The following SATB2 variants were observed in gnomAD, a reference collection of about 807,000 sequenced individuals.
SATB2 encodes DNA-binding protein SATB2.
In SATB2, 1 loss-of-function variant was observed where a neutral mutation model predicts 73.4. The observed-to-expected ratio is 0.01, with a 90% CI of 0.00 to 0.06. The LOEUF (loss-of-function observed/expected upper bound fraction) is 0.06. Ranked by LOEUF, SATB2 falls within the 10% of genes least tolerant of loss-of-function variation. The probability of loss-of-function intolerance (pLI) is 1.00; values close to 1 mark genes in which losing one functional copy is unlikely to be tolerated. For missense variants in SATB2, 459 were observed against 945.8 expected (o/e 0.49, Z 6.75); for synonymous variants, 397 against 367.0 (o/e 1.08, Z -0.93).
At chr2:199,297,350 C>T (rs1687141153) in intron 10 of SATB2, among the ~76,000 whole-genome samples, 1 of 152,232 alleles carries the variant, frequency 6.6e-6, no homozygotes, top group East Asian at 1.9e-4. Context: ...TATGTAAGTC[C>T]ACTCCTGTTT....
intron 3 of SATB2, among the ~76,000 whole-genome samples, chr2:199,384,791 C>A (rs752119016): frequency 3.6e-4 from 55 of 152,236 alleles, no homozygotes; most frequent in Non-Finnish European, 5.0e-4. Flanking sequence ...ACTGATCTTA[C>A]AAGAATACTG....
intron 2 of SATB2, among the ~76,000 whole-genome samples, chr2:199,452,415 G>A (rs1692150437): frequency 6.6e-6 from 1 of 152,128 alleles, no homozygotes; most frequent in Admixed American, 6.5e-5. Flanking sequence ...TTCATTTTAT[G>A]CTGTAAGTTG....
At chr2:199,365,249 T>A (rs1159106140) in intron 6 of SATB2, among the ~76,000 whole-genome samples, 1 of 151,878 alleles carries the variant, frequency 6.6e-6, no homozygotes, top group Admixed American at 6.6e-5. Flanking sequence ...GCTTATGAGC[T>A]CTACATTGTA....
At chr2:199,292,495 T>C (rs889661557) in intron 10 of SATB2, among the ~76,000 whole-genome samples, 7 of 152,234 alleles carry the variant, frequency 4.6e-5, no homozygotes, top group Non-Finnish European at 8.8e-5. Context: ...CCTCCCAGTT[T>C]AAATGTCTAG....
At chr2:199,386,918 A>G (rs1689981252) in intron 3 of SATB2, among the ~76,000 whole-genome samples, 1 of 152,198 alleles carries the variant, frequency 6.6e-6, no homozygotes, top group South Asian at 2.1e-4. Flanking sequence ...AAATTCTGCC[A>G]TGGGAATAAT....
chr2:199,357,831 C>A (rs1384879855), intron 6 of SATB2, among the ~76,000 whole-genome samples: 1 of 152,084 alleles, frequency 6.6e-6, no homozygotes, highest in East Asian at 1.9e-4. Flanking sequence ...ATATGAATCA[C>A]ACAGCAGAGA....
Position 199,463,170 on chromosome 2 carries a change from G to A in SATB2, c.-141+1666C>T, listed in dbSNP as rs1373013965. ...ACCACACCAGGCAACGCCCCCCGGGGCGCCCTTCATTCTTTTGCAGAGCCC... is the reference window on the plus strand; with the variant it reads ...ACCACACCAGGCAACGCCCCCCGGGACGCCCTTCATTCTTTTGCAGAGCCC... On this transcript the variant is annotated intron_variant, in intron 1 of 11. Transcript: ENST00000260926. The surrounding 1 kb of genome is among the most constrained non-coding windows in gnomAD (Gnocchi z 6.4). 6.6e-6 allele frequency among the ~76,000 whole-genome samples: 1 copy of A among 152,314 alleles called. No individual in the cohort carries two copies. The highest frequency in any genetic ancestry group is 2.1e-4 in the South Asian group (1 of 4,826).
intron 3 of SATB2, among the ~76,000 whole-genome samples, chr2:199,432,863 A>G (rs866751845): frequency 1.3e-5 from 2 of 152,330 alleles, no homozygotes; most frequent in Admixed American, 6.5e-5. Context: ...AACTAAATGG[A>G]CTGCATCAAA....
chr2:199,376,660 T>C (rs1689614373), intron 5 of SATB2, among the ~76,000 whole-genome samples: 1 of 152,120 alleles, frequency 6.6e-6, no homozygotes. Flanking sequence ...GACACAAAGA[T>C]CAATAAGAGA....
intron 5 of SATB2, among the ~76,000 whole-genome samples, chr2:199,375,071 G>A (rs1429963734): frequency 2.0e-5 from 3 of 152,024 alleles, no homozygotes; most frequent in Non-Finnish European, 2.9e-5. Flanking sequence ...GGCAGGTACT[G>A]GTACCTCTAC....
At chr2:199,366,239 G>A (rs1574551736) in intron 6 of SATB2, among the ~76,000 whole-genome samples, 1 of 152,116 alleles carries the variant, frequency 6.6e-6, no homozygotes, top group East Asian at 1.9e-4. Context: ...TAGAATTCTG[G>A]TTTCACTACT....
At chr2:199,338,318 A>G (rs1472930806) in intron 7 of SATB2, among the ~76,000 whole-genome samples, 4 of 152,060 alleles carry the variant, frequency 2.6e-5, no homozygotes, top group Admixed American at 6.5e-5. Context: ...CAGTGAGCCA[A>G]GATCATGCCA....
At chr2:199,436,548 G>A (rs1691658619) in intron 2 of SATB2, among the ~76,000 whole-genome samples, 1 of 152,028 alleles carries the variant, frequency 6.6e-6, no homozygotes. Context: ...AGATACTGAA[G>A]AATATCATAA....
chr2:199,378,587 G>A (rs1408581756), intron 5 of SATB2, among the ~76,000 whole-genome samples: 1 of 152,032 alleles, frequency 6.6e-6, no homozygotes, highest in Non-Finnish European at 1.5e-5. Context: ...GCCTATACGT[G>A]AATGCATGCC....
chr2:199,448,958 CAGA>C (rs1692047115), intron 2 of SATB2, among the ~76,000 whole-genome samples: 1 of 152,074 alleles, frequency 6.6e-6, no homozygotes, highest in Admixed American at 6.5e-5. Context: ...TATATTTCCC[CAGA>C]AGGTTTTCCT....
rs973674250 is a variant in SATB2, at chr2:199,381,714, C to T, written c.453G>A (p.Thr151=). 1.4e-5 allele frequency: 22 copies of T among 1,613,998 alleles called. No individual in the cohort carries two copies. Among genetic ancestry groups the T allele is most frequent in the Middle Eastern group, 1.6e-4 (1 of 6,084 alleles). ...CCCACCTTTGTAATTGGATTTTCAA[C>T]GTCACAACATGATAGACATCTTGTA... ...DMLQDVYHVV[T]LKIQLQSCSK... is the part of the protein sequence containing the mutation. Residue 151 remains threonine, a synonymous_variant, in exon 4 of 11, where the codon ACG becomes ACA. Coordinates refer to ENST00000417098, the MANE Select transcript of SATB2 (RefSeq NM_001172509.2).
At chr2:199,448,464 C>A (rs1692028119) in intron 2 of SATB2, among the ~76,000 whole-genome samples, 1 of 151,856 alleles carries the variant, frequency 6.6e-6, no homozygotes, top group South Asian at 2.1e-4. Context: ...GCTTTCCAGC[C>A]AAATGCAAAA....
At chr2:199,378,959 C>T (rs925143242) in intron 5 of SATB2, among the ~76,000 whole-genome samples, 32 of 152,282 alleles carry the variant, frequency 2.1e-4, no homozygotes, top group East Asian at 3.9e-4. Context: ...CCAGAGACTC[C>T]CTTACCCTGG....
At chr2:199,419,207 G>GAAAACCC (rs1691091470) in intron 3 of SATB2, among the ~76,000 whole-genome samples, 1 of 152,192 alleles carries the variant, frequency 6.6e-6, no homozygotes, top group South Asian at 2.1e-4. Flanking sequence ...TCCAGATTTT[G>GAAAACCC]AGTCTTCACC....
Sources: gnomAD v4.1 joint callset for allele counts (sites outside exome capture counted in the v4.1 genomes callset) on GRCh38, gnomAD v4.1.1 for gene constraint, Gnocchi (gnomAD v3.1) non-coding constraint, MANE v1.5 for transcripts, NCBI Gene and HGNC (gene_info 2026-07-23, HGNC 2026-07-21) for gene names.